RYR2: variants seen among roughly 807,000 people sequenced by gnomAD.
RYR2 encodes the protein ryanodine receptor 2.
In RYR2, 227 loss-of-function variants were observed where a neutral mutation model predicts 601.1. That is an observed-to-expected ratio of 0.38 (90% CI 0.34 to 0.42). RYR2 has a LOEUF of 0.42. RYR2 is among the 10% of genes least tolerant of loss of function. The pLI, the probability that RYR2 is intolerant of heterozygous loss-of-function variation, is 1.00. For missense variants in RYR2, 4,646 were observed against 6,156.5 expected, an observed-to-expected ratio of 0.75 and a Z score of 8.21; for synonymous variants, 2,223 against 2,175.1, an observed-to-expected ratio of 1.02 and a Z score of -0.61.
chr1:237,647,965 A>G (rs966348982), intron 48 of RYR2, among the ~76,000 whole-genome samples: 1 of 152,222 alleles, frequency 6.6e-6, no homozygotes, highest in African/African-American at 2.4e-5. Context: ...TATGAAAGCC[A>G]TACTGGTTTT....
At chr1:237,495,016 C>T (rs1486908347) in intron 19 of RYR2, among the ~76,000 whole-genome samples, 2 of 152,122 alleles carry the variant, frequency 1.3e-5, no homozygotes, top group Non-Finnish European at 2.9e-5. Flanking sequence ...GTCTCGAACT[C>T]CTGACCTTGT....
At chr1:237,781,842 A>G (rs578206533) in intron 89 of RYR2, among the ~76,000 whole-genome samples, 196 bp downstream of exon 89, 9 of 152,304 alleles carry the variant, frequency 5.9e-5, no homozygotes, top group African/African-American at 1.9e-4. Flanking sequence ...CTCAGTTTAC[A>G]TATCTACAAA....
chr1:237,299,764 G>A (rs77798044), intron 2 of RYR2, among the ~76,000 whole-genome samples: 4,245 of 152,300 alleles, frequency 0.028, 90 homozygotes, highest in Non-Finnish European at 0.045. Context: ...CACAGCACAT[G>A]TGGTGCTGTT....
At chr1:237,696,529 T>C (rs1210274940) in intron 63 of RYR2, among the ~76,000 whole-genome samples, 4 of 139,050 alleles carry the variant, frequency 2.9e-5, no homozygotes, top group African/African-American at 5.4e-5. Flanking sequence ...ATCTCTTCCC[T>C]GCACTGCAGA....
chr1:237,789,722 T>C (rs16835821), intron 92 of RYR2, among the ~76,000 whole-genome samples: 2,301 of 152,356 alleles, frequency 0.015, 64 homozygotes, highest in African/African-American at 0.052. Context: ...GTTCACATGT[T>C]CTGTTGTCTC....
At chr1:237,536,338 G>A (rs1456430065) in intron 25 of RYR2, among the ~76,000 whole-genome samples, 5 of 152,200 alleles carry the variant, frequency 3.3e-5, no homozygotes, top group African/African-American at 1.2e-4. Flanking sequence ...TTGGGAGGCC[G>A]AGGCAGGCGG....
At chr1:237,485,174 T>C (rs1662545834) in intron 17 of RYR2, among the ~76,000 whole-genome samples, 1 of 152,206 alleles carries the variant, frequency 6.6e-6, no homozygotes, top group Non-Finnish European at 1.5e-5. Context: ...ATAATAACGG[T>C]TTTAAATGAA....
chr1:237,648,229 G>A (rs1040761272), intron 48 of RYR2, among the ~76,000 whole-genome samples: 4 of 152,202 alleles, frequency 2.6e-5, no homozygotes, highest in East Asian at 1.9e-4. Context: ...CAGTTAACAA[G>A]TGGATGCCTA....
At chr1:237,465,488 G>A (rs965550142) in intron 16 of RYR2, among the ~76,000 whole-genome samples, 15 of 152,072 alleles carry the variant, frequency 9.9e-5, no homozygotes, top group Non-Finnish European at 1.6e-4. Context: ...TTTGGCTTTG[G>A]AATACGGTCA....
Position 237,614,571 on chromosome 1 carries a change from G to A in RYR2, c.5443G>A (p.Glu1815Lys), listed in dbSNP as rs1294638169. ...HARDPVGGTT[E>K]FLFVPLIKLF... ...CCGGGACCCAGTTGGAGGGACTACT[G>A]AATTCCTCTTTGTACCTCTCATCAA... Residue 1815 changes from glutamate (E) to lysine (K), a missense_variant, in exon 37 of 105, where the codon GAA becomes AAA. Physicochemically the swap from Glu to Lys is moderately conservative, Grantham distance 56. This residue lies in a region of RYR2 where 1,807 missense variants were observed against 2,088.1 expected (regional missense o/e 0.87). Coordinates refer to ENST00000366574, the MANE Select transcript of RYR2 (RefSeq NM_001035.3). This position sits in a 1 kb window ranked among gnomAD's most constrained non-coding sequence, Gnocchi z 4.3. 12 of 1,613,924 alleles carry A rather than the reference G, an allele frequency of 7.4e-6. No individual in the cohort carries two copies. The highest frequency in any genetic ancestry group is 8.5e-7 in the Non-Finnish European group (1 of 1,179,906).
rs954641240 is a variant in RYR2, at chr1:237,784,147, C to A, written c.12435C>A (p.Ile4145=). 1 of 1,613,926 alleles carries A rather than the reference C, an allele frequency of 6.2e-7. No individual in the cohort carries two copies. Among genetic ancestry groups the A allele is most frequent in the Non-Finnish European group, 8.5e-7 (1 of 1,179,880 alleles). The change falls in exon 90 of 105, where the codon ATC becomes ATA. Residue 4145 remains isoleucine, a synonymous_variant. Coordinates refer to ENST00000366574, the MANE Select transcript of RYR2 (RefSeq NM_001035.3). The surrounding 1 kb of genome is among the most constrained non-coding windows in gnomAD (Gnocchi z 7.1). ...AAATCATGGGAAGCGCCAAACGCAT[C>A]GAGAGGGTCTATTTTGAAATCAGTG... ...RIEIMGSAKR[I]ERVYFEISES...
chr1:237,481,030 G>T (rs1395783980), intron 17 of RYR2, among the ~76,000 whole-genome samples: 2 of 151,160 alleles, frequency 1.3e-5, no homozygotes, highest in Non-Finnish European at 2.9e-5. Flanking sequence ...AAAATATGAA[G>T]CATATGTAAT....
Position 237,660,931 on chromosome 1 carries a change from T to A in RYR2, c.8420T>A (p.Ile2807Asn). 7.0e-7 allele frequency: 1 copy of A among 1,436,778 alleles called. No homozygotes were observed. Among genetic ancestry groups the A allele is most frequent in the Non-Finnish European group, 9.2e-7 (1 of 1,087,840 alleles). 89.0% of individuals were successfully genotyped at this position (1,436,778 alleles called of 1,614,324 possible). The change falls in exon 56 of 105, where the codon ATT becomes AAT. Residue 2807 changes from isoleucine (I) to asparagine (N), a missense_variant. This residue lies in a region of RYR2 where 1,497 missense variants were observed against 1,842.6 expected (regional missense o/e 0.81). Transcript: ENST00000366574. Reference sequence around the variant, plus strand: ...GCCCTTTACAACCGGACTCGTCGTATTTCTCAGACAAGCCAGGTAAGAATT... The same window carrying A: ...GCCCTTTACAACCGGACTCGTCGTAATTCTCAGACAAGCCAGGTAAGAATT... ...SMALYNRTRR[I>N]SQTSQVSVDA...
chr1:237,335,396 T>G (rs1323923203), intron 3 of RYR2, among the ~76,000 whole-genome samples: 2 of 152,154 alleles, frequency 1.3e-5, no homozygotes, highest in African/African-American at 4.8e-5. Flanking sequence ...AGAGGTGACG[T>G]AGTATAGTAG....
Position 237,050,194 on chromosome 1 carries a change from G to C in RYR2, c.48+7625G>C, listed in dbSNP as rs1301019006. 3.3e-5 allele frequency among the ~76,000 whole-genome samples: 5 copies of C among 152,254 alleles called. No individual in the cohort carries two copies. The South Asian group carries it at 8.3e-4, about 25-fold the overall frequency. On this transcript the variant is annotated intron_variant, in intron 1 of 104. Transcript: ENST00000366574. ...GACCTCCCCTGGATGGCTGGGTGCAGGTACTTACCACCCACCAACCGATGA... is the reference window on the plus strand; with the variant it reads ...GACCTCCCCTGGATGGCTGGGTGCACGTACTTACCACCCACCAACCGATGA...
At chr1:237,364,456 T>TA in intron 5 of RYR2, 84 bp downstream of exon 5, 2 of 666,340 alleles carry the variant, frequency 3.0e-6, no homozygotes, top group Non-Finnish European at 4.9e-6. Flanking sequence ...TATCTGCATA[T>TA]TAGTATAGCT....
chr1:237,669,613 G>A (rs563043925), intron 58 of RYR2, among the ~76,000 whole-genome samples: 16 of 151,866 alleles, frequency 1.1e-4, no homozygotes, highest in South Asian at 2.1e-4. Flanking sequence ...CTTCTCAGAC[G>A]GGGCGGCCGG....
intron 1 of RYR2, among the ~76,000 whole-genome samples, chr1:237,236,017 G>C (rs1297804380): frequency 6.6e-6 from 1 of 152,158 alleles, no homozygotes; most frequent in Non-Finnish European, 1.5e-5. Context: ...AAGGAATATG[G>C]TGCCTCTATG....
At chr1:237,178,466 G>GTGTGTT (rs1678328330) in intron 1 of RYR2, among the ~76,000 whole-genome samples, 1 of 118,820 alleles carries the variant, frequency 8.4e-6, no homozygotes, top group African/African-American at 3.2e-5. Flanking sequence ...GTGTGTGTGT[G>GTGTGTT]TGTTTAAAAG....
Sources: gnomAD v4.1 joint callset for allele counts (sites outside exome capture counted in the v4.1 genomes callset) on GRCh38, gnomAD v4.1.1 for gene constraint, gnomAD v4.1.1 regional missense constraint, Gnocchi (gnomAD v3.1) non-coding constraint, MANE v1.5 for transcripts, NCBI Gene and HGNC (gene_info 2026-07-23, HGNC 2026-07-21) for gene names.